Variants in OLFM3 observed in about 807,000 individuals in gnomAD.
OLFM3 encodes the protein olfactomedin 3, also known as noelin-3.
OLFM3 carries 20 observed loss-of-function variants against 48.6 expected under a neutral mutation model. The ratio of observed to expected loss-of-function variants is 0.41; its 90% confidence interval spans 0.29 to 0.60. OLFM3 has a LOEUF of 0.60. Among genes scored for constraint, OLFM3 ranks in the 20% least tolerant of loss-of-function variants. The pLI, the probability that OLFM3 is intolerant of heterozygous loss-of-function variation, is 0.28. For synonymous variants in OLFM3, 222 were observed against 198.1 expected, an observed-to-expected ratio of 1.12 and a Z score of -1.01; for missense variants, 437 against 544.3, an observed-to-expected ratio of 0.80 and a Z score of 1.96.
At chr1:101,903,853 G>A (rs1240061324) in intron 1 of OLFM3, among the ~76,000 whole-genome samples, 1 of 151,896 alleles carries the variant, frequency 6.6e-6, no homozygotes, top group African/African-American at 2.4e-5. Flanking sequence ...ACTTATACAT[G>A]GCAATACATT....
intron 1 of OLFM3, among the ~76,000 whole-genome samples, chr1:101,930,302 A>G (rs1659406530): frequency 6.6e-6 from 1 of 152,192 alleles, no homozygotes; most frequent in African/African-American, 2.4e-5. Context: ...CTTACAGTGC[A>G]AGGAAGAATA....
At chr1:101,857,065 T>G (rs1656451401) in intron 1 of OLFM3, among the ~76,000 whole-genome samples, 1 of 151,946 alleles carries the variant, frequency 6.6e-6, no homozygotes, top group South Asian at 2.1e-4. Context: ...CAAGATAAAA[T>G]GTAAGTCATA....
Position 101,963,806 on chromosome 1 carries a change from T to C in OLFM3, c.69+32942A>G, listed in dbSNP as rs1660533588. Among the ~76,000 whole-genome samples, 3 of 152,152 alleles carry C rather than the reference T, an allele frequency of 2.0e-5. No individual in the cohort carries two copies. The South Asian group carries it at 6.2e-4, about 31-fold the overall frequency. On this transcript the variant is annotated intron_variant, in intron 1 of 5. Transcript: ENST00000370103. ...AATCTACCCCATTATCTGTTCAAAG[T>C]GAGGAAAAGAAGAGTTTCATTTTAG...
intron 1 of OLFM3, among the ~76,000 whole-genome samples, chr1:101,894,453 T>C (rs1266164771): frequency 1.3e-5 from 2 of 152,174 alleles, no homozygotes; most frequent in Non-Finnish European, 2.9e-5. Context: ...ACCTAAATTA[T>C]CTCATTTAGT....
At chr1:101,901,758 G>A (rs1234367271) in intron 1 of OLFM3, among the ~76,000 whole-genome samples, 3 of 151,982 alleles carry the variant, frequency 2.0e-5, no homozygotes, top group Admixed American at 6.6e-5. Flanking sequence ...TAAAGATGAC[G>A]ACTAAATTTC....
chr1:101,817,817 A>G (rs1654408796), intron 4 of OLFM3, among the ~76,000 whole-genome samples: 1 of 152,082 alleles, frequency 6.6e-6, no homozygotes, highest in Non-Finnish European at 1.5e-5. Context: ...TTTAAAGTCT[A>G]CCTATTTAGG....
chr1:101,928,287 C>T (rs1659335887), intron 1 of OLFM3, among the ~76,000 whole-genome samples: 2 of 151,986 alleles, frequency 1.3e-5, no homozygotes, highest in South Asian at 4.1e-4. Flanking sequence ...AGTCATTCAG[C>T]GAGAAACAAA....
At chr1:101,949,570 G>A (rs937627014) in intron 1 of OLFM3, among the ~76,000 whole-genome samples, 3 of 152,020 alleles carry the variant, frequency 2.0e-5, no homozygotes. Context: ...TCTTCCTATT[G>A]TCTCCAGAGT....
chr1:101,832,578 T>C (rs1040286952), intron 2 of OLFM3, among the ~76,000 whole-genome samples: 3 of 152,330 alleles, frequency 2.0e-5, no homozygotes, highest in Admixed American at 6.5e-5. Context: ...GGCAGGGAAG[T>C]AGCCTTCCCT....
At chr1:101,924,842 T>C (rs1394684725) in intron 1 of OLFM3, among the ~76,000 whole-genome samples, 1 of 152,188 alleles carries the variant, frequency 6.6e-6, no homozygotes, top group African/African-American at 2.4e-5. Flanking sequence ...GTTTATTTAG[T>C]TCTTGAGATA....
rs550699081 is a variant in OLFM3, at chr1:101,814,046, G to A, written c.593-7864C>T. Among the ~76,000 whole-genome samples the A allele has an allele frequency of 6.0e-4, 91 of 152,210 alleles. No individual in the cohort carries two copies. In the South Asian group the frequency reaches 0.012, roughly 21 times the overall value. Reference sequence around the variant, plus strand: ...AATGTCCTTTACTTTTCACTGAGTAGGGGACAAAGTGCTTTGCATAAAGTT... The same window carrying A: ...AATGTCCTTTACTTTTCACTGAGTAAGGGACAAAGTGCTTTGCATAAAGTT... On this transcript the variant is annotated intron_variant, in intron 4 of 5. Coordinates refer to ENST00000370103, the MANE Select transcript of OLFM3 (RefSeq NM_058170.4).
At chr1:101,810,134 T>A (rs1653979824) in intron 4 of OLFM3, among the ~76,000 whole-genome samples, 1 of 151,814 alleles carries the variant, frequency 6.6e-6, no homozygotes, top group South Asian at 2.1e-4. Flanking sequence ...GGTAAGAGAT[T>A]TTTCCTATTG....
intron 1 of OLFM3, among the ~76,000 whole-genome samples, chr1:101,845,013 C>G (rs1655919240): frequency 6.6e-6 from 1 of 152,040 alleles, no homozygotes; most frequent in Non-Finnish European, 1.5e-5. Context: ...CATTGCTCTT[C>G]TGGAAAGCAT....
chr1:101,819,224 C>T (rs1654484077), intron 4 of OLFM3, among the ~76,000 whole-genome samples: 1 of 151,828 alleles, frequency 6.6e-6, no homozygotes, highest in Non-Finnish European at 1.5e-5. Context: ...AAAGCATGCG[C>T]AATTGAGAAA....
intron 3 of OLFM3, among the ~76,000 whole-genome samples, chr1:101,829,223 T>G (rs1429755782): frequency 1.3e-5 from 2 of 152,186 alleles, no homozygotes; most frequent in African/African-American, 4.8e-5. Flanking sequence ...CTGTTTACCA[T>G]TTATCCATAA....
At chr1:101,931,294 T>C (rs569815533) in intron 1 of OLFM3, among the ~76,000 whole-genome samples, 1 of 152,298 alleles carries the variant, frequency 6.6e-6, no homozygotes, top group Admixed American at 6.5e-5. Context: ...TTCATATAAA[T>C]TAATCCTCTC....
At chr1:101,834,485 G>C (rs1655307955) in intron 2 of OLFM3, among the ~76,000 whole-genome samples, 1 of 152,224 alleles carries the variant, frequency 6.6e-6, no homozygotes, top group East Asian at 1.9e-4. Context: ...TTTGCCCTTT[G>C]GTGCCTTGGA....
intron 1 of OLFM3, among the ~76,000 whole-genome samples, chr1:101,901,513 T>C (rs1658385492): frequency 6.6e-6 from 1 of 152,020 alleles, no homozygotes; most frequent in African/African-American, 2.4e-5. Flanking sequence ...TAAATGAGTC[T>C]GAAAGTTTTC....
Position 101,952,621 on chromosome 1 carries a change from A to T in OLFM3, c.69+44127T>A, listed in dbSNP as rs575436711. On this transcript the variant is annotated intron_variant, in intron 1 of 5. Transcript: ENST00000370103. ...ATATAGAGTTATAAACATATCCAAG[A>T]CAAAATCTTTTTTCTAAAAATATTA... 4.7e-4 allele frequency among the ~76,000 whole-genome samples: 71 copies of T among 152,210 alleles called. 3 individuals are homozygous for T. The Middle Eastern group carries it at 0.041, about 88-fold the overall frequency.
Sources: allele counts gnomAD v4.1 joint callset (sites outside exome capture counted in the v4.1 genomes callset), GRCh38; gene constraint gnomAD v4.1.1; transcripts MANE v1.5; gene names NCBI Gene and HGNC (gene_info 2026-07-23, HGNC 2026-07-21).